Variants in CACNB2 observed in about 807,000 individuals in gnomAD.
CACNB2 encodes voltage-dependent L-type calcium channel subunit beta-2.
Under a neutral mutation model 73.3 loss-of-function variants are expected in CACNB2, and 42 were observed. The ratio of observed to expected loss-of-function variants is 0.57; its 90% CI spans 0.45 to 0.74. The LOEUF is 0.74. Ranked by LOEUF, CACNB2 falls within the 30% of genes least tolerant of loss-of-function variation. The pLI, the probability that CACNB2 is intolerant of heterozygous loss-of-function variation, is 0.00. For synonymous variants in CACNB2, 348 were observed against 310.3 expected (o/e 1.12, Z -1.28); for missense variants, 940 against 853.0 (o/e 1.10, Z -1.27).
intron 5 of CACNB2, 28 bp downstream of exon 5, chr10:18,500,976 TA>T (rs765628476): frequency 6.2e-7 from 1 of 1,608,516 alleles, no homozygotes; most frequent in Admixed American, 1.7e-5. Context: ...AGTGTTTGCA[TA>T]AAACTTAGAT....
At chr10:18,419,161 A>C (rs2045176281) in intron 3 of CACNB2, among the ~76,000 whole-genome samples, 1 of 152,210 alleles carries the variant, frequency 6.6e-6, no homozygotes, top group African/African-American at 2.4e-5. Flanking sequence ...GTTGAACTAG[A>C]TGGGAAGAAC....
chr10:18,508,650 T>A (rs1338118362), intron 6 of CACNB2, among the ~76,000 whole-genome samples: 2 of 152,204 alleles, frequency 1.3e-5, no homozygotes, highest in Non-Finnish European at 2.9e-5. Context: ...GCAACACAGA[T>A]GCTCCCCAAC....
intron 2 of CACNB2, among the ~76,000 whole-genome samples, chr10:18,346,267 G>T (rs564092778): frequency 6.6e-6 from 1 of 152,198 alleles, no homozygotes; most frequent in South Asian, 2.1e-4. Context: ...AGCCTCTTGA[G>T]TAGCTGGGAT....
chr10:18,290,531 T>C (rs925975002), intron 2 of CACNB2, among the ~76,000 whole-genome samples: 1 of 152,172 alleles, frequency 6.6e-6, no homozygotes, highest in African/African-American at 2.4e-5. Flanking sequence ...AATAAAATAA[T>C]AACATGCATT....
chr10:18,379,853 AT>A (rs1180288301), intron 2 of CACNB2, among the ~76,000 whole-genome samples: 1 of 151,912 alleles, frequency 6.6e-6, no homozygotes, highest in Non-Finnish European at 1.5e-5. Context: ...CGCCTGGCTA[AT>A]TTTTGTATTT....
intron 2 of CACNB2, among the ~76,000 whole-genome samples, chr10:18,313,426 C>T (rs752721880): frequency 1.3e-5 from 2 of 151,506 alleles, no homozygotes; most frequent in Non-Finnish European, 2.9e-5. Context: ...TCTCCAGAAC[C>T]TGCCAGATGT....
At chr10:18,276,971 G>A (rs2038320566) in intron 2 of CACNB2, among the ~76,000 whole-genome samples, 1 of 152,196 alleles carries the variant, frequency 6.6e-6, no homozygotes. Flanking sequence ...AAAATTATTA[G>A]CCTGGTGTGG....
intron 2 of CACNB2, 166 bp downstream of exon 2, chr10:18,151,141 T>G (rs2031520646): frequency 3.5e-6 from 2 of 570,574 alleles, no homozygotes; most frequent in East Asian, 5.9e-5. Flanking sequence ...ATTTTAATCT[T>G]AAGTGAGACT....
At chr10:18,223,665 A>C (rs1262643328) in intron 2 of CACNB2, among the ~76,000 whole-genome samples, 3 of 152,156 alleles carry the variant, frequency 2.0e-5, no homozygotes, top group African/African-American at 7.2e-5. Context: ...GGTAACTAAC[A>C]AAACATTTAA....
intron 3 of CACNB2, among the ~76,000 whole-genome samples, chr10:18,437,888 A>G (rs1160278458): frequency 1.3e-5 from 2 of 152,136 alleles, no homozygotes; most frequent in African/African-American, 2.4e-5. Flanking sequence ...GCAAATTGAC[A>G]TAGAACATGG....
intron 2 of CACNB2, among the ~76,000 whole-genome samples, chr10:18,283,456 G>A (rs2038644855): frequency 6.6e-6 from 1 of 152,086 alleles, no homozygotes; most frequent in South Asian, 2.1e-4. Context: ...TTAAGAAAAT[G>A]TGGCACATAT....
chr10:18,236,276 A>G (rs1413571135), intron 2 of CACNB2, among the ~76,000 whole-genome samples: 1 of 152,218 alleles, frequency 6.6e-6, no homozygotes, highest in Admixed American at 6.5e-5. Flanking sequence ...GACATTCGCC[A>G]TTGGTTAAAA....
At chr10:18,437,945 T>C (rs1320519355) in intron 3 of CACNB2, among the ~76,000 whole-genome samples, 2 of 151,214 alleles carry the variant, frequency 1.3e-5, no homozygotes, top group African/African-American at 4.9e-5. Context: ...AGAAATGTAT[T>C]AAAACTCAGG....
intron 2 of CACNB2, among the ~76,000 whole-genome samples, chr10:18,296,013 T>G (rs977856690): frequency 4.7e-5 from 7 of 148,744 alleles, no homozygotes; most frequent in African/African-American, 9.9e-5. Context: ...TTTTTTTTTT[T>G]TTTTTTTTTT....
intron 2 of CACNB2, among the ~76,000 whole-genome samples, chr10:18,364,105 C>G (rs1046904936): frequency 6.6e-6 from 1 of 151,786 alleles, no homozygotes; most frequent in African/African-American, 2.4e-5. Flanking sequence ...TGCTACCACA[C>G]CCAGTTGATT....
chr10:18,268,922 C>A (rs1036503281), intron 2 of CACNB2, among the ~76,000 whole-genome samples: 6 of 152,078 alleles, frequency 3.9e-5, no homozygotes, highest in Non-Finnish European at 7.4e-5. Flanking sequence ...TAAAGAAGGG[C>A]AAGGTCTGGC....
intron 3 of CACNB2, among the ~76,000 whole-genome samples, chr10:18,446,569 T>C (rs1311605257): frequency 6.6e-6 from 1 of 152,160 alleles, no homozygotes; most frequent in Non-Finnish European, 1.5e-5. Flanking sequence ...TGCTTTCTAA[T>C]GTGTATTGGT....
At chr10:18,514,638 A>G in intron 7 of CACNB2, 1 of 1,316,296 alleles carries the variant, frequency 7.6e-7, no homozygotes, top group Non-Finnish European at 1.1e-6. Flanking sequence ...CAAAGAACCT[A>G]TCAACAGCTA....
intron 3 of CACNB2, among the ~76,000 whole-genome samples, chr10:18,448,197 G>C (rs1449733365): frequency 6.6e-6 from 1 of 151,976 alleles, no homozygotes; most frequent in Non-Finnish European, 1.5e-5. Flanking sequence ...TTAAATGTTA[G>C]CTTGGGCCGG....
Sources: allele counts gnomAD v4.1 joint callset (sites outside exome capture counted in the v4.1 genomes callset), GRCh38; gene constraint gnomAD v4.1.1; transcripts MANE v1.5; gene names NCBI Gene and HGNC (gene_info 2026-07-23, HGNC 2026-07-21).